PIBF1: variants seen among roughly 807,000 people sequenced by gnomAD.
PIBF1 encodes the protein progesterone immunomodulatory binding factor 1.
Under a neutral mutation model 112.5 loss-of-function variants are expected in PIBF1, and 90 were observed. That is an observed-to-expected ratio of 0.80 (90% CI 0.67 to 0.95). The LOEUF (loss-of-function observed/expected upper bound fraction) is 0.95, where lower values mean the gene tolerates loss of function less well. Among genes scored for constraint, PIBF1 ranks in the 40% least tolerant of loss-of-function variants. The probability of loss-of-function intolerance (pLI) is 0.00; values close to 1 mark genes in which losing one functional copy is unlikely to be tolerated. For synonymous variants in PIBF1, 301 were observed against 288.6 expected (o/e 1.04, Z -0.44); for missense variants, 915 against 852.3 (o/e 1.07, Z -0.92).
chr13:72,974,579 A>G (rs1450519860), intron 16 of PIBF1, among the ~76,000 whole-genome samples: 2 of 152,192 alleles, frequency 1.3e-5, no homozygotes, highest in Non-Finnish European at 2.9e-5. Flanking sequence ...TCAGCCTCCC[A>G]AAGTGCTGGG....
chr13:72,866,489 A>T (rs1251514145), intron 10 of PIBF1, among the ~76,000 whole-genome samples: 1 of 152,144 alleles, frequency 6.6e-6, no homozygotes, highest in African/African-American at 2.4e-5. Flanking sequence ...CTTTCAACCT[A>T]CTAGCTGTTG....
intron 8 of PIBF1, 128 bp downstream of exon 8, chr13:72,828,042 T>C (rs2036904713): frequency 2.6e-6 from 1 of 388,626 alleles, no homozygotes; most frequent in Non-Finnish European, 4.4e-6. Flanking sequence ...ACTAAGATAA[T>C]ACCTTATTTT....
At chr13:72,894,771 TA>T (rs1320046751) in intron 11 of PIBF1, among the ~76,000 whole-genome samples, 35 of 96,148 alleles carry the variant, frequency 3.6e-4, no homozygotes, top group African/African-American at 1.4e-3. Flanking sequence ...TATATATATA[TA>T]GTGTGTGTGT....
chr13:72,858,679 A>T (rs1466265561), intron 10 of PIBF1, among the ~76,000 whole-genome samples: 1 of 152,208 alleles, frequency 6.6e-6, no homozygotes, highest in Non-Finnish European at 1.5e-5. Context: ...TACCTCATAC[A>T]TATTGAAACT....
intron 5 of PIBF1, among the ~76,000 whole-genome samples, chr13:72,815,942 G>T (rs1253708661): frequency 6.6e-6 from 1 of 152,146 alleles, no homozygotes; most frequent in Non-Finnish European, 1.5e-5. Flanking sequence ...TAGCAACTTG[G>T]TCTCTTTAAC....
intron 13 of PIBF1, among the ~76,000 whole-genome samples, chr13:72,918,643 C>T (rs1474741275): frequency 6.6e-6 from 1 of 151,978 alleles, no homozygotes; most frequent in Non-Finnish European, 1.5e-5. Context: ...ATCCACCTGC[C>T]TCGGCCTTCC....
intron 14 of PIBF1, among the ~76,000 whole-genome samples, chr13:72,955,205 A>G (rs1269045779): frequency 2.0e-5 from 3 of 152,204 alleles, no homozygotes; most frequent in African/African-American, 7.2e-5. Context: ...CTTTCATTGT[A>G]GTAGTAGCTC....
intron 7 of PIBF1, 104 bp downstream of exon 7, chr13:72,827,222 C>T: frequency 2.3e-6 from 1 of 432,004 alleles, no homozygotes; most frequent in Non-Finnish European, 4.1e-6. Flanking sequence ...TTATGTAGTT[C>T]CTCCCAAAAA....
chr13:72,895,792 A>G (rs570238567), intron 11 of PIBF1, among the ~76,000 whole-genome samples: 146 of 150,652 alleles, frequency 9.7e-4, no homozygotes, highest in African/African-American at 3.3e-3. Flanking sequence ...GAGAGGACCC[A>G]CAGACCCTCT....
At chr13:72,817,742 T>C (rs906272222) in intron 5 of PIBF1, among the ~76,000 whole-genome samples, 10 of 152,180 alleles carry the variant, frequency 6.6e-5, no homozygotes, top group Non-Finnish European at 7.4e-5. Context: ...CATGGAAGGA[T>C]GCAGAGGAGA....
chr13:72,839,583 T>C (rs1461984827), intron 9 of PIBF1, among the ~76,000 whole-genome samples: 1 of 152,210 alleles, frequency 6.6e-6, no homozygotes, highest in Non-Finnish European at 1.5e-5. Flanking sequence ...AATTCTGTTG[T>C]GGATTTAATA....
intron 10 of PIBF1, among the ~76,000 whole-genome samples, chr13:72,881,992 C>A (rs900221397): frequency 6.6e-6 from 1 of 151,774 alleles, no homozygotes; most frequent in African/African-American, 2.4e-5. Flanking sequence ...AGCTATCCTA[C>A]GCAAAAAGAG....
intron 14 of PIBF1, among the ~76,000 whole-genome samples, chr13:72,954,162 A>G (rs1214562903): frequency 6.6e-6 from 1 of 152,164 alleles, no homozygotes; most frequent in Non-Finnish European, 1.5e-5. Flanking sequence ...AGGCCCACTC[A>G]GCTCCCATGC....
intron 2 of PIBF1, among the ~76,000 whole-genome samples, chr13:72,785,178 A>G (rs2034531969): frequency 6.6e-6 from 1 of 152,064 alleles, no homozygotes; most frequent in Admixed American, 6.5e-5. Context: ...TGAGGGGAGA[A>G]AAAAAAATAA....
At chr13:72,801,654 T>A (rs1356374589) in intron 5 of PIBF1, among the ~76,000 whole-genome samples, 1 of 152,232 alleles carries the variant, frequency 6.6e-6, no homozygotes, top group African/African-American at 2.4e-5. Flanking sequence ...CTCAAGTGTT[T>A]GGGATATCTG....
rs2040783302 is a variant in PIBF1 at position 72,908,593 on chromosome 13, A to G, written c.1551A>G (p.Gln517=). The G allele has an allele frequency of 1.2e-6, 2 of 1,613,194 alleles. No homozygotes were observed. The highest frequency in any genetic ancestry group is 1.7e-6 in the Non-Finnish European group (2 of 1,179,248). Residue 517 remains glutamine (Q), a synonymous_variant, in exon 12 of 18, where the codon CAA becomes CAG. Coordinates refer to ENST00000326291, the MANE Select transcript of PIBF1 (RefSeq NM_006346.4). ...ASSEKRITEL[Q]AQNSEHQARL... The stretch of plus-strand genomic sequence containing the variant: ...CTGAAAAACGCATTACTGAACTTCA[A>G]GCACAGAACTCAGAGCATCAAGCAA...
chr13:72,867,293 C>T lies in PIBF1; in HGVS notation c.1322+13138C>T, dbSNP rs372872801. Among the ~76,000 whole-genome samples, 19 of 152,172 alleles carry T rather than the reference C, an allele frequency of 1.2e-4. No individual in the cohort carries two copies. In the East Asian group the frequency reaches 2.3e-3, roughly 18 times the overall value. Reference sequence around the variant, plus strand: ...CCTCCTTGCCTTCACAAGGAGGCCTCCTCAGCCATGTGGAACTGTAAGTCC... The same window carrying T: ...CCTCCTTGCCTTCACAAGGAGGCCTTCTCAGCCATGTGGAACTGTAAGTCC... On this transcript the variant is annotated intron_variant, in intron 10 of 17. Transcript: ENST00000326291.
intron 5 of PIBF1, among the ~76,000 whole-genome samples, chr13:72,809,210 C>G (rs907817968): frequency 6.8e-6 from 1 of 147,376 alleles, no homozygotes; most frequent in Non-Finnish European, 1.5e-5. Context: ...AGCTAGAGAC[C>G]CAAAGCTTTA....
chr13:72,893,705 C>A (rs2040146709), intron 10 of PIBF1, 79 bp from the exon 11 acceptor site: 4 of 826,480 alleles, frequency 4.8e-6, no homozygotes, highest in Non-Finnish European at 3.5e-6. Context: ...GAGTAGAAAA[C>A]ATAGAAGTAA....
Sources: allele counts gnomAD v4.1 joint callset (sites outside exome capture counted in the v4.1 genomes callset), GRCh38; gene constraint gnomAD v4.1.1; transcripts MANE v1.5; gene names NCBI Gene and HGNC (gene_info 2026-07-23, HGNC 2026-07-21).